XPO6: variants seen among roughly 807,000 people sequenced by gnomAD.
XPO6 encodes exportin-6.
In XPO6, 3 loss-of-function variants were observed where a neutral mutation model predicts 130.0. The observed-to-expected ratio is 0.02, with a 90% CI of 0.01 to 0.06. The LOEUF is 0.06. Among genes scored for constraint, XPO6 ranks in the 10% least tolerant of loss-of-function variants. XPO6 has a pLI of 1.00. For missense variants in XPO6, 970 were observed against 1,393.0 expected (o/e 0.70, Z 4.83); for synonymous variants, 524 against 548.9 (o/e 0.95, Z 0.63).
intron 8 of XPO6, among the ~76,000 whole-genome samples, chr16:28,146,796 G>C (rs1394190807): frequency 6.6e-6 from 1 of 152,200 alleles, no homozygotes; most frequent in Admixed American, 6.5e-5. Context: ...GGTGTCAAAC[G>C]TGCTAATAGC....
intron 12 of XPO6, among the ~76,000 whole-genome samples, chr16:28,126,422 C>G (rs916352637): frequency 2.0e-5 from 3 of 152,142 alleles, no homozygotes; most frequent in Non-Finnish European, 4.4e-5. Context: ...GAGTATGGGA[C>G]TTGGATTCCG....
Position 28,132,220 on chromosome 16 carries a change from T to C in XPO6, c.1606+114A>G. ...GTTTCGAAGTGGGGAGAGATGCCAG[T>C]GGGGAGGCTGCAGTGAAGAAATCAT... On this transcript the variant is annotated intron_variant, in intron 12 of 23. Transcript: ENST00000304658. This position sits in a 1 kb window ranked among gnomAD's most constrained non-coding sequence, Gnocchi z 4.0. 1.3e-6 allele frequency: 1 copy of C among 784,364 alleles called. No individual in the cohort carries two copies. Among genetic ancestry groups the C allele is most frequent in the South Asian group, 1.6e-5 (1 of 61,404 alleles). 48.6% of individuals were successfully genotyped at this position (784,364 alleles called of 1,614,324 possible).
At chr16:28,128,189 C>A (rs1166400650) in intron 12 of XPO6, among the ~76,000 whole-genome samples, 2 of 152,180 alleles carry the variant, frequency 1.3e-5, no homozygotes, top group African/African-American at 4.8e-5. Context: ...ATCTATGCAA[C>A]CAACTCCCAG....
At position 28,211,935 on chromosome 16, in the gene XPO6, C is replaced by G. The variant is rs926377181; in HGVS notation, c.-567G>C. 7 of 152,614 alleles carry G rather than the reference C, an allele frequency of 4.6e-5. No individual in the cohort carries two copies. The highest frequency in any genetic ancestry group is 7.2e-5 in the African/African-American group (3 of 41,452). 9.5% of individuals were successfully genotyped at this position (152,614 alleles called of 1,614,324 possible). On this transcript the variant is annotated 5_prime_UTR_variant, in exon 1 of 24. Transcript: ENST00000304658. ...CCGCCCGCTAGTACCGCGCGGCCGC[C>G]CCCGACCAACAGCCCCAACGCGCCG...
chr16:28,205,284 T>C (rs7498882), intron 1 of XPO6, among the ~76,000 whole-genome samples: 63,952 of 151,998 alleles, frequency 0.42, 15,644 homozygotes, highest in African/African-American at 0.69. Flanking sequence ...ACCCAACAAA[T>C]GTTTATTTCC....
At chr16:28,150,114 G>C (rs1416132536) in intron 8 of XPO6, among the ~76,000 whole-genome samples, 4 of 152,158 alleles carry the variant, frequency 2.6e-5, no homozygotes, top group Non-Finnish European at 5.9e-5. Flanking sequence ...CTGGGACAGT[G>C]TACCTTTCAG....
chr16:28,181,163 G>C (rs952733641), intron 1 of XPO6, 132 bp from the exon 2 acceptor site: 10 of 660,456 alleles, frequency 1.5e-5, no homozygotes, highest in African/African-American at 1.5e-4. Context: ...TTCTTCAAAT[G>C]CATGGTATAT....
chr16:28,105,462 C>G (rs538353122), intron 20 of XPO6, among the ~76,000 whole-genome samples: 3 of 152,304 alleles, frequency 2.0e-5, no homozygotes, highest in Admixed American at 1.3e-4. Flanking sequence ...ACAGAAGAAG[C>G]CTCATAGGCC....
intron 2 of XPO6, among the ~76,000 whole-genome samples, chr16:28,177,606 T>C (rs1408876483): frequency 6.6e-6 from 1 of 152,202 alleles, no homozygotes; most frequent in Non-Finnish European, 1.5e-5. Context: ...GCTAAAGTTC[T>C]TATTTAAGCT....
At chr16:28,176,132 T>G in intron 3 of XPO6, 37 bp from the exon 4 acceptor site, 1 of 1,598,916 alleles carries the variant, frequency 6.3e-7, no homozygotes, top group Non-Finnish European at 8.6e-7. Flanking sequence ...GTTAACAACC[T>G]ATACACAAAA....
Position 28,180,796 on chromosome 16 carries a change from C to T in XPO6, c.94+145G>A, listed in dbSNP as rs185647671. ...TCAAGTGGAGGGGTTTCCCCAGCCA[C>T]CAGCCAACAGAACCAGAGCGAAAAG... On this transcript the variant is annotated intron_variant, in intron 2 of 23. Coordinates refer to ENST00000304658, the MANE Select transcript of XPO6 (RefSeq NM_015171.4). 25 of 571,564 alleles carry T rather than the reference C, an allele frequency of 4.4e-5. No individual in the cohort carries two copies. In the East Asian group the frequency reaches 7.7e-4, roughly 18 times the overall value. The allele number at this position is 571,564 out of a possible 1,614,324, so 35.4% of individuals were successfully genotyped here. A position where few individuals can be genotyped will look rare whatever the true frequency, so the allele number is the denominator to read the frequency against.
rs757318937 is a variant in XPO6 at position 28,117,151 on chromosome 16, A to T, written c.2004+167T>A. 780 of 847,932 alleles carry T rather than the reference A, an allele frequency of 9.2e-4. 2 individuals are homozygous for T. Among genetic ancestry groups the T allele is most frequent in the Non-Finnish European group, 1.3e-3 (720 of 559,364 alleles). 52.5% of individuals were successfully genotyped at this position (847,932 alleles called of 1,614,324 possible). ...AAAAAGTAAAGTTGTATCTGAATGC[A>T]TGTAGGCTACAACTAAAAAGGAACA... On this transcript the variant is annotated intron_variant, in intron 15 of 23. Transcript: ENST00000304658.
At chr16:28,105,979 A>C (rs1201196282) in intron 20 of XPO6, 64 bp downstream of exon 20, 1 of 1,571,062 alleles carries the variant, frequency 6.4e-7, no homozygotes, top group African/African-American at 1.4e-5. Flanking sequence ...TTTTCTGTGA[A>C]ATCTCATTCC....
chr16:28,154,255 TAAAAAAAAAAAA>T, intron 7 of XPO6: 2 of 811,098 alleles, frequency 2.5e-6, no homozygotes, highest in Non-Finnish European at 2.8e-6. Context: ...ACTACCCATT[TAAAAAAAAAAAA>T]AAAAAAAAAA....
At chr16:28,209,655 A>AG (rs981172623) in intron 1 of XPO6, among the ~76,000 whole-genome samples, 2 of 151,930 alleles carry the variant, frequency 1.3e-5, no homozygotes, top group African/African-American at 4.8e-5. Context: ...AAAAAAAAAA[A>AG]AAAAGCATTA....
chr16:28,191,243 A>C (rs943805219), intron 1 of XPO6, among the ~76,000 whole-genome samples: 3 of 152,192 alleles, frequency 2.0e-5, no homozygotes, highest in African/African-American at 7.2e-5. Context: ...TAAAATACAT[A>C]TATTTTATAT....
intron 5 of XPO6, among the ~76,000 whole-genome samples, chr16:28,168,446 G>A (rs1341276309): frequency 2.0e-5 from 3 of 151,660 alleles, no homozygotes; most frequent in Non-Finnish European, 4.4e-5. Flanking sequence ...TCACATCACC[G>A]CACTCCAGCC....
intron 12 of XPO6, among the ~76,000 whole-genome samples, chr16:28,127,172 G>A (rs1371721873): frequency 6.6e-6 from 1 of 152,096 alleles, no homozygotes; most frequent in African/African-American, 2.4e-5. Flanking sequence ...ATGCCACTAT[G>A]TCATCCAGAT....
chr16:28,116,357 G>A (rs2087054797), intron 15 of XPO6, among the ~76,000 whole-genome samples: 1 of 152,030 alleles, frequency 6.6e-6, no homozygotes. Context: ...AGCTACTCAA[G>A]AGGCTGAGGC....
Sources: gnomAD v4.1 joint callset for allele counts (sites outside exome capture counted in the v4.1 genomes callset) on GRCh38, gnomAD v4.1.1 for gene constraint, Gnocchi (gnomAD v3.1) non-coding constraint, MANE v1.5 for transcripts, NCBI Gene and HGNC (gene_info 2026-07-23, HGNC 2026-07-21) for gene names.